The following CSMD1 variants were observed in gnomAD, a reference collection of about 807,000 sequenced individuals.
CSMD1 encodes the protein CUB and sushi domain-containing protein 1.
Under a neutral mutation model 417.5 loss-of-function variants are expected in CSMD1, and 213 were observed. The observed-to-expected ratio is 0.51, with a 90% confidence interval of 0.46 to 0.57. The LOEUF is 0.57. Among genes scored for constraint, CSMD1 ranks in the 20% least tolerant of loss-of-function variants. CSMD1 has a pLI of 0.00. For synonymous variants in CSMD1, 2,862 were observed against 1,736.8 expected (o/e 1.65, Z -16.11); for missense variants, 6,923 against 4,529.7 (o/e 1.53, Z -15.17).
chr8:3,315,435 T>G (rs1805678699), intron 23 of CSMD1, among the ~76,000 whole-genome samples: 1 of 93,814 alleles, frequency 1.1e-5, no homozygotes, highest in Non-Finnish European at 2.2e-5. Flanking sequence ...CTAGGTGAAG[T>G]GAGTGTGTGT....
intron 3 of CSMD1, among the ~76,000 whole-genome samples, chr8:4,037,575 A>G (rs907591649): frequency 1.3e-5 from 2 of 150,974 alleles, no homozygotes; most frequent in African/African-American, 4.9e-5. Context: ...GCCGTTTTTC[A>G]ACTGACAGGG....
intron 3 of CSMD1, among the ~76,000 whole-genome samples, chr8:4,134,020 C>T (rs1803268940): frequency 6.6e-6 from 1 of 152,150 alleles, no homozygotes; most frequent in Admixed American, 6.5e-5. Context: ...CTTCAGTATA[C>T]ATTTTTTTAA....
chr8:4,893,481 C>G (rs1217189004), intron 1 of CSMD1, among the ~76,000 whole-genome samples: 2 of 151,820 alleles, frequency 1.3e-5, no homozygotes, highest in Non-Finnish European at 2.9e-5. Context: ...TAAGAGCTTC[C>G]CAATTAATGT....
intron 2 of CSMD1, among the ~76,000 whole-genome samples, chr8:4,459,796 T>G (rs962230332): frequency 6.6e-6 from 1 of 152,320 alleles, no homozygotes; most frequent in South Asian, 2.1e-4. Context: ...TTTTGCTGTT[T>G]AAAACCATAC....
chr8:3,601,166 C>G (rs897745974), intron 8 of CSMD1, among the ~76,000 whole-genome samples: 2 of 152,200 alleles, frequency 1.3e-5, no homozygotes, highest in African/African-American at 4.8e-5. Context: ...ACCAGTGCTG[C>G]ATCATTGTGT....
At chr8:4,312,039 T>C (rs79240790) in intron 3 of CSMD1, among the ~76,000 whole-genome samples, 7,284 of 152,218 alleles carry the variant, frequency 0.048, 240 homozygotes, top group Non-Finnish European at 0.063. Context: ...TGTGTTGAAA[T>C]CATTGTCATT....
At chr8:4,714,719 T>G (rs1294983964) in intron 1 of CSMD1, among the ~76,000 whole-genome samples, 1 of 152,134 alleles carries the variant, frequency 6.6e-6, no homozygotes, top group Non-Finnish European at 1.5e-5. Flanking sequence ...AATACAAATT[T>G]CCACTTGTAG....
chr8:3,165,171 C>T (rs1395167578), intron 37 of CSMD1, among the ~76,000 whole-genome samples: 1 of 152,014 alleles, frequency 6.6e-6, no homozygotes, highest in East Asian at 1.9e-4. Flanking sequence ...TGTCACTACA[C>T]ACCCAGTATA....
chr8:4,577,168 T>G (rs1201786223), intron 2 of CSMD1, among the ~76,000 whole-genome samples: 2 of 152,216 alleles, frequency 1.3e-5, no homozygotes, highest in Non-Finnish European at 2.9e-5. Context: ...CACTGATTTT[T>G]AATACATTTA....
intron 10 of CSMD1, among the ~76,000 whole-genome samples, chr8:3,567,591 G>A (rs976779669): frequency 5.9e-5 from 9 of 151,648 alleles, no homozygotes; most frequent in South Asian, 2.1e-4. Flanking sequence ...AGGAAGGAAA[G>A]GGAGAAAGAA....
At chr8:3,353,268 G>A (rs1808533404) in intron 21 of CSMD1, among the ~76,000 whole-genome samples, 1 of 152,112 alleles carries the variant, frequency 6.6e-6, no homozygotes, top group Non-Finnish European at 1.5e-5. Context: ...AAGAAACATT[G>A]GTATACTTTT....
At chr8:4,271,085 C>T (rs556052129) in intron 3 of CSMD1, among the ~76,000 whole-genome samples, 1 of 152,174 alleles carries the variant, frequency 6.6e-6, no homozygotes, top group Admixed American at 6.6e-5. Flanking sequence ...AATGTTGAAG[C>T]TTTCAAAGTC....
chr8:3,216,321 T>A (rs1398303020), intron 29 of CSMD1, among the ~76,000 whole-genome samples: 1 of 152,170 alleles, frequency 6.6e-6, no homozygotes, highest in Non-Finnish European at 1.5e-5. Context: ...TCAGTTTTTC[T>A]GATATTTTAT....
intron 3 of CSMD1, among the ~76,000 whole-genome samples, chr8:4,236,892 T>C (rs1236782734): frequency 6.6e-6 from 1 of 152,174 alleles, no homozygotes; most frequent in Admixed American, 6.6e-5. Context: ...ATGGTATAAA[T>C]TCAATTTCCA....
At chr8:4,676,564 C>T (rs1388806652) in intron 1 of CSMD1, among the ~76,000 whole-genome samples, 1 of 152,204 alleles carries the variant, frequency 6.6e-6, no homozygotes, top group Non-Finnish European at 1.5e-5. Flanking sequence ...CAGTTTAGCA[C>T]AAGCTACCAG....
chr8:3,827,964 C>G (rs776420466), intron 5 of CSMD1, among the ~76,000 whole-genome samples: 3 of 152,160 alleles, frequency 2.0e-5, no homozygotes, highest in Non-Finnish European at 4.4e-5. Flanking sequence ...CATTGCTAAC[C>G]AAATAGCCAT....
chr8:3,561,471 G>A (rs1799463671), intron 10 of CSMD1, among the ~76,000 whole-genome samples: 1 of 152,090 alleles, frequency 6.6e-6, no homozygotes, highest in African/African-American at 2.4e-5. Context: ...ACATTTCTTG[G>A]CAATATGGAT....
rs1378509585 is a variant in CSMD1, at chr8:4,607,954, TC to T, written c.302+29387del. Among the ~76,000 whole-genome samples, 14 of 152,204 alleles carry T rather than the reference TC, an allele frequency of 9.2e-5. No homozygotes were observed. In the East Asian group the frequency reaches 2.7e-3, roughly 30 times the overall value. ...AGGTCTCACTGACATCTGGCGACTT[TC>T]CCCAGCCCACCTGTATCAATGTTAT... On this transcript the variant is annotated intron_variant, in intron 2 of 69. Coordinates refer to ENST00000635120, the MANE Select transcript of CSMD1 (RefSeq NM_033225.6).
chr8:3,946,347 A>T (rs1811222261), intron 5 of CSMD1, among the ~76,000 whole-genome samples: 1 of 152,138 alleles, frequency 6.6e-6, no homozygotes, highest in Non-Finnish European at 1.5e-5. Flanking sequence ...CGTCAAAAAA[A>T]TCATTTTATC....
Sources: allele counts gnomAD v4.1 joint callset (sites outside exome capture counted in the v4.1 genomes callset), GRCh38; gene constraint gnomAD v4.1.1; transcripts MANE v1.5; gene names NCBI Gene and HGNC (gene_info 2026-07-23, HGNC 2026-07-21).